Variants in EVL observed in about 807,000 individuals in gnomAD.
EVL encodes ena/VASP-like protein.
Under a neutral mutation model 59.6 loss-of-function variants are expected in EVL, and 21 were observed. That is an observed-to-expected ratio of 0.35 (90% CI 0.25 to 0.51). The LOEUF is 0.51. Ranked by LOEUF, EVL falls within the 20% of genes least tolerant of loss-of-function variation. The probability of loss-of-function intolerance (pLI) is 0.97; values close to 1 mark genes in which losing one functional copy is unlikely to be tolerated. For synonymous variants in EVL, 198 were observed against 203.5 expected (o/e 0.97, Z 0.23); for missense variants, 462 against 546.6 (o/e 0.85, Z 1.54).
intron 3 of EVL, among the ~76,000 whole-genome samples, chr14:100,120,201 G>A (rs1021252652): frequency 1.5e-4 from 23 of 152,134 alleles, no homozygotes; most frequent in Admixed American, 2.0e-4. Flanking sequence ...ATATCTCCGT[G>A]GCTCACCTCC....
intron 1 of EVL, among the ~76,000 whole-genome samples, chr14:100,029,755 A>T (rs1190986): frequency 6.6e-6 from 1 of 151,892 alleles, no homozygotes; most frequent in African/African-American, 2.4e-5. Context: ...AGGTATAGGA[A>T]CAGGGGGACA....
At chr14:99,986,290 C>CAAAAAAAAAA (rs3072366) in intron 1 of EVL, among the ~76,000 whole-genome samples, 21 of 78,450 alleles carry the variant, frequency 2.7e-4, no homozygotes, top group African/African-American at 8.4e-4. Context: ...GACTCTGTCT[C>CAAAAAAAAAA]AAAAAAAAAA....
rs531621022 is a variant in EVL at position 100,125,397 on chromosome 14, G to A, written c.423-1310G>A. On this transcript the variant is annotated intron_variant, in intron 4 of 13. Coordinates refer to ENST00000392920, the MANE Select transcript of EVL (RefSeq NM_016337.3). The stretch of plus-strand genomic sequence containing the variant: ...TCCAAGCATCCAAACAGTACCATAG[G>A]TTCAGACCTGACTTGAGTATTTTTC... Among the ~76,000 whole-genome samples the A allele has an allele frequency of 6.6e-5, 10 of 152,262 alleles. No individual in the cohort carries two copies. The South Asian group carries it at 2.1e-3, about 32-fold the overall frequency.
chr14:100,012,850 T>C (rs1180611888), intron 1 of EVL, among the ~76,000 whole-genome samples: 1 of 152,220 alleles, frequency 6.6e-6, no homozygotes, highest in Non-Finnish European at 1.5e-5. Flanking sequence ...AGACTTACAA[T>C]GTATGACTAA....
At chr14:100,117,283 G>T (rs1887410699) in intron 3 of EVL, among the ~76,000 whole-genome samples, 1 of 152,216 alleles carries the variant, frequency 6.6e-6, no homozygotes, top group Non-Finnish European at 1.5e-5. Flanking sequence ...ACCTCTCCCG[G>T]TGCCACGTGG....
chr14:100,102,257 G>A (rs1234867218), intron 3 of EVL: 1 of 455,916 alleles, frequency 2.2e-6, no homozygotes, highest in African/African-American at 2.0e-5. Flanking sequence ...GAGGAACACA[G>A]CCTCCTTGCA....
chr14:100,133,742 A>G (rs1002480507), intron 8 of EVL, among the ~76,000 whole-genome samples: 3 of 152,222 alleles, frequency 2.0e-5, no homozygotes, highest in Non-Finnish European at 4.4e-5. Flanking sequence ...GTTTGAGACC[A>G]GCCTGGCCAA....
chr14:99,975,343 T>A (rs1349601601), intron 1 of EVL, among the ~76,000 whole-genome samples: 5 of 152,208 alleles, frequency 3.3e-5, no homozygotes, highest in Non-Finnish European at 7.3e-5. Flanking sequence ...TCTTTTTATT[T>A]ATAATTAGAG....
chr14:100,035,451 A>G (rs1414188404), intron 1 of EVL, among the ~76,000 whole-genome samples: 1 of 147,942 alleles, frequency 6.8e-6, no homozygotes, highest in East Asian at 2.0e-4. Flanking sequence ...AGTTACTCTT[A>G]CTGTTTCTAT....
chr14:100,125,122 C>CCCCA (rs1555361573), intron 4 of EVL, among the ~76,000 whole-genome samples: 6 of 103,098 alleles, frequency 5.8e-5, no homozygotes, highest in East Asian at 5.7e-4. Flanking sequence ...CAAGGCGGGA[C>CCCCA]CACACACACA....
chr14:100,075,730 A>G (rs1725170011), intron 1 of EVL, among the ~76,000 whole-genome samples: 2 of 152,144 alleles, frequency 1.3e-5, no homozygotes, highest in Non-Finnish European at 2.9e-5. Context: ...GGCACGTGGC[A>G]CCTTGGGGTG....
chr14:100,122,536 T>C (rs536838708), intron 3 of EVL, among the ~76,000 whole-genome samples: 10 of 152,256 alleles, frequency 6.6e-5, no homozygotes, highest in African/African-American at 9.6e-5. Flanking sequence ...TGGTCCTCTA[T>C]GAAGTAGGAG....
chr14:100,027,514 C>T (rs904611510), intron 1 of EVL, among the ~76,000 whole-genome samples: 16 of 152,146 alleles, frequency 1.1e-4, no homozygotes, highest in Admixed American at 5.9e-4. Context: ...TCGTCTCTCT[C>T]GTGCCTGCCT....
intron 1 of EVL, among the ~76,000 whole-genome samples, chr14:100,043,291 A>ATG (rs2061495378): frequency 2.0e-5 from 3 of 151,732 alleles, no homozygotes; most frequent in African/African-American, 4.8e-5. Flanking sequence ...GTGTGTATAT[A>ATG]TATGTGTGTG....
intron 2 of EVL, among the ~76,000 whole-genome samples, chr14:100,090,592 A>G (rs73349508): frequency 0.017 from 2,600 of 152,324 alleles, 55 homozygotes; most frequent in African/African-American, 0.05. Flanking sequence ...ATAATGTATT[A>G]AAAAGAAAAT....
At chr14:100,040,647 TG>T (rs892885284) in intron 1 of EVL, among the ~76,000 whole-genome samples, 3 of 152,198 alleles carry the variant, frequency 2.0e-5, no homozygotes, top group Non-Finnish European at 4.4e-5. Context: ...GCACCTTCCC[TG>T]GGATGTGAGA....
chr14:99,992,165 T>C (rs2060879899), intron 1 of EVL, among the ~76,000 whole-genome samples: 2 of 152,204 alleles, frequency 1.3e-5, no homozygotes, highest in Admixed American at 1.3e-4. Context: ...TGAAGTGGTA[T>C]CTCATTGTGG....
chr14:100,122,852 G>C (rs1279334121), intron 3 of EVL, among the ~76,000 whole-genome samples: 1 of 152,332 alleles, frequency 6.6e-6, no homozygotes, highest in East Asian at 1.9e-4. Context: ...AGCAGACTTC[G>C]CCTATGCCGG....
At chr14:100,099,727 CT>C (rs760607520) in intron 3 of EVL, among the ~76,000 whole-genome samples, 5,235 of 137,976 alleles carry the variant, frequency 0.038, 113 homozygotes, top group Non-Finnish European at 0.053. Context: ...GGGAGTTAAG[CT>C]TTTTTTTTTT....
Sources: gnomAD v4.1 joint callset for allele counts (sites outside exome capture counted in the v4.1 genomes callset) on GRCh38, gnomAD v4.1.1 for gene constraint, MANE v1.5 for transcripts, NCBI Gene and HGNC (gene_info 2026-07-23, HGNC 2026-07-21) for gene names.